The following KCNIP4 variants were observed in gnomAD, a reference collection of about 807,000 sequenced individuals.
The protein encoded by KCNIP4 is Kv channel-interacting protein 4.
In KCNIP4, 12 loss-of-function variants were observed where a neutral mutation model predicts 34.0. The observed-to-expected ratio is 0.35, with a 90% CI of 0.23 to 0.57. The LOEUF is 0.57. Among genes scored for constraint, KCNIP4 ranks in the 20% least tolerant of loss-of-function variants. The pLI is 0.83. For missense variants in KCNIP4, 238 were observed against 311.7 expected, an observed-to-expected ratio of 0.76 and a Z score of 1.78; for synonymous variants, 124 against 102.2, an observed-to-expected ratio of 1.21 and a Z score of -1.29.
chr4:21,565,250 TGCAGA>T (rs1739771589), intron 1 of KCNIP4, among the ~76,000 whole-genome samples: 3 of 152,178 alleles, frequency 2.0e-5, no homozygotes, highest in Non-Finnish European at 4.4e-5. Flanking sequence ...CTTCCTGGCT[TGCAGA>T]TGGCCGCTTT....
intron 1 of KCNIP4, among the ~76,000 whole-genome samples, chr4:21,286,631 T>C (rs549804262): frequency 6.6e-6 from 1 of 152,318 alleles, no homozygotes; most frequent in African/African-American, 2.4e-5. Flanking sequence ...TTTATTTTCA[T>C]TCACTGGAGA....
intron 1 of KCNIP4, among the ~76,000 whole-genome samples, chr4:21,628,953 T>C (rs1745525035): frequency 1.3e-5 from 2 of 152,184 alleles, no homozygotes; most frequent in South Asian, 4.1e-4. Flanking sequence ...TGTGGTTTTG[T>C]GGAAAATCTG....
rs747296325 is a variant in KCNIP4, at chr4:20,732,668, T to C, written c.642+13A>G. On this transcript the variant is annotated intron_variant, in intron 7 of 8. Transcript: ENST00000382152. ...TAACTTCATGCCCTCTTGACTTCTG[T>C]TTTAATTCCTACCTGAAAAAATGTT... 6.4e-7 allele frequency: 1 copy of C among 1,573,814 alleles called. No homozygotes were observed. The highest frequency in any genetic ancestry group is 1.1e-5 in the South Asian group (1 of 90,276).
rs144398769 is a variant in KCNIP4 at position 21,196,437 on chromosome 4, C to T, written c.62-313728G>A. 3.6e-3 allele frequency among the ~76,000 whole-genome samples: 548 copies of T among 152,250 alleles called. 4 individuals are homozygous for T. Among genetic ancestry groups the T allele is most frequent in the South Asian group, 0.021 (101 of 4,826 alleles). Reference sequence around the variant, plus strand: ...CAACCTCTTTAACACAAAATGATACCACCCCAGGAAGAACCAGGGATTTTT... The same window carrying T: ...CAACCTCTTTAACACAAAATGATACTACCCCAGGAAGAACCAGGGATTTTT... On this transcript the variant is annotated intron_variant, in intron 1 of 8. Coordinates refer to ENST00000382152, the MANE Select transcript of KCNIP4 (RefSeq NM_025221.6).
chr4:21,130,956 G>A (rs1751022572), intron 1 of KCNIP4, among the ~76,000 whole-genome samples: 1 of 151,996 alleles, frequency 6.6e-6, no homozygotes, highest in Non-Finnish European at 1.5e-5. Context: ...AAAATCATAA[G>A]TCAAGCCATT....
At chr4:20,805,932 A>G (rs1715020877) in intron 3 of KCNIP4, among the ~76,000 whole-genome samples, 1 of 152,146 alleles carries the variant, frequency 6.6e-6, no homozygotes. Flanking sequence ...AATGTTGACC[A>G]TATGAGTCAG....
chr4:21,706,445 T>C (rs1208252761), intron 1 of KCNIP4, among the ~76,000 whole-genome samples: 2 of 152,166 alleles, frequency 1.3e-5, no homozygotes, highest in South Asian at 2.1e-4. Flanking sequence ...CCATGTGAAA[T>C]AAGTTACAGA....
intron 1 of KCNIP4, among the ~76,000 whole-genome samples, chr4:20,948,492 C>T (rs1732432983): frequency 6.6e-6 from 1 of 152,200 alleles, no homozygotes; most frequent in South Asian, 2.1e-4. Context: ...AGATATTACC[C>T]ACCACATGTG....
At position 21,113,228 on chromosome 4, in the gene KCNIP4, C is replaced by G. The variant is rs1436425703; in HGVS notation, c.62-230519G>C. Among the ~76,000 whole-genome samples the G allele has an allele frequency of 2.0e-5, 3 of 151,960 alleles. No homozygotes were observed. The East Asian group carries it at 5.8e-4, about 29-fold the overall frequency. On this transcript the variant is annotated intron_variant, in intron 1 of 8. Transcript: ENST00000382152. ...ACAATCTAGTTTGGGGCAGGACTGC[C>G]AAGAAACAAGTTCTTTCAAAAGTAA... is the stretch of plus-strand genomic sequence containing the variant.
chr4:21,881,564 C>A (rs942360590), intron 1 of KCNIP4, among the ~76,000 whole-genome samples: 3 of 152,064 alleles, frequency 2.0e-5, no homozygotes, highest in Admixed American at 6.6e-5. Flanking sequence ...AGTGAATAGA[C>A]TAAATTGCCT....
At chr4:21,543,716 G>A (rs1447012329) in intron 1 of KCNIP4, among the ~76,000 whole-genome samples, 2 of 152,074 alleles carry the variant, frequency 1.3e-5, no homozygotes, top group Admixed American at 1.3e-4. Flanking sequence ...TTGTTTCTCC[G>A]ATTACAGATT....
At chr4:21,813,506 C>A (rs1721787296) in intron 1 of KCNIP4, among the ~76,000 whole-genome samples, 1 of 152,000 alleles carries the variant, frequency 6.6e-6, no homozygotes, top group Non-Finnish European at 1.5e-5. Flanking sequence ...GAAACTTGCC[C>A]AATGGTGACT....
At chr4:21,179,752 CTT>C (rs1347831379) in intron 1 of KCNIP4, among the ~76,000 whole-genome samples, 1 of 152,112 alleles carries the variant, frequency 6.6e-6, no homozygotes, top group Non-Finnish European at 1.5e-5. Flanking sequence ...TACAAAAAAA[CTT>C]ATTTTCTTTC....
chr4:21,772,550 G>A (rs1560702982), intron 1 of KCNIP4, among the ~76,000 whole-genome samples: 2 of 152,072 alleles, frequency 1.3e-5, no homozygotes, highest in Non-Finnish European at 2.9e-5. Context: ...AATCCATCTG[G>A]TCCTGGGCTT....
At chr4:21,492,035 G>A (rs1195777240) in intron 1 of KCNIP4, among the ~76,000 whole-genome samples, 2 of 152,142 alleles carry the variant, frequency 1.3e-5, no homozygotes, top group Non-Finnish European at 2.9e-5. Context: ...ATTCTCTACT[G>A]TATCCAACTA....
chr4:21,068,373 A>G (rs960987642), intron 1 of KCNIP4, among the ~76,000 whole-genome samples: 1 of 152,174 alleles, frequency 6.6e-6, no homozygotes, highest in Non-Finnish European at 1.5e-5. Flanking sequence ...TCACCTCCTC[A>G]AAACGTTCTA....
chr4:21,863,606 T>C lies in KCNIP4; in HGVS notation c.61+84965A>G, dbSNP rs1430232175. ...CAATGCTAGAATCCGTCTTACCCAA[T>C]GCATGAAGAGAATGAGGCCAGACCC... On this transcript the variant is annotated intron_variant, in intron 1 of 8. Transcript: ENST00000382152. Among the ~76,000 whole-genome samples, 3 of 152,114 alleles carry C rather than the reference T, an allele frequency of 2.0e-5. No homozygotes were observed. The East Asian group carries it at 5.8e-4, about 30-fold the overall frequency.
chr4:21,898,499 C>T (rs941614705), intron 1 of KCNIP4, among the ~76,000 whole-genome samples: 1 of 152,102 alleles, frequency 6.6e-6, no homozygotes, highest in Non-Finnish European at 1.5e-5. Context: ...CCATTTCAAG[C>T]CTTAGCTCCC....
chr4:20,977,758 T>C (rs1304503909), intron 1 of KCNIP4, among the ~76,000 whole-genome samples: 1 of 152,226 alleles, frequency 6.6e-6, no homozygotes, highest in Non-Finnish European at 1.5e-5. Context: ...TTTTCTGCTT[T>C]TAGTTTCTAG....
Sources: allele counts gnomAD v4.1 joint callset (sites outside exome capture counted in the v4.1 genomes callset), GRCh38; gene constraint gnomAD v4.1.1; transcripts MANE v1.5; gene names NCBI Gene and HGNC (gene_info 2026-07-23, HGNC 2026-07-21).